Variants in DLG2 observed in about 807,000 individuals in gnomAD.
DLG2 encodes the protein disks large homolog 2.
A neutral mutation model predicts 132.5 loss-of-function variants in DLG2; 45 were observed. The observed-to-expected ratio is 0.34, with a 90% CI of 0.27 to 0.44. The LOEUF is 0.44. Among genes scored for constraint, DLG2 ranks in the 20% least tolerant of loss-of-function variants. The pLI, the probability that DLG2 is intolerant of heterozygous loss-of-function variation, is 1.00. For missense variants in DLG2, 1,045 were observed against 1,196.9 expected (o/e 0.87, Z 1.87); for synonymous variants, 424 against 419.6 (o/e 1.01, Z -0.13).
chr11:84,576,298 C>T (rs551427858), intron 6 of DLG2, among the ~76,000 whole-genome samples: 1 of 152,288 alleles, frequency 6.6e-6, no homozygotes, highest in South Asian at 2.1e-4. Flanking sequence ...ATCTACCTTT[C>T]TACCTATCTG....
At chr11:85,290,873 C>A (rs1016249610) in intron 3 of DLG2, among the ~76,000 whole-genome samples, 1 of 152,076 alleles carries the variant, frequency 6.6e-6, no homozygotes. Flanking sequence ...AATTGTCAAA[C>A]AGCATGTTGA....
chr11:83,461,465 A>AAAAAG (rs1253442784), intron 27 of DLG2: 1 of 152,346 alleles, frequency 6.6e-6, no homozygotes, highest in Non-Finnish European at 1.5e-5. Flanking sequence ...GGAAACATTT[A>AAAAAG]AAAAGAAAAA....
At chr11:83,610,913 T>A (rs2060023563) in intron 19 of DLG2, among the ~76,000 whole-genome samples, 1 of 152,176 alleles carries the variant, frequency 6.6e-6, no homozygotes, top group Non-Finnish European at 1.5e-5. Flanking sequence ...ACCCACATCA[T>A]TTTATCAAAG....
chr11:83,578,073 T>TACACACACACAC (rs554190947), intron 19 of DLG2, among the ~76,000 whole-genome samples: 2,124 of 88,152 alleles, frequency 0.024, 73 homozygotes, highest in African/African-American at 0.09. Flanking sequence ...TATATATATG[T>TACACACACACAC]ATACACACAC....
chr11:83,509,255 T>C (rs2094888266), intron 21 of DLG2, among the ~76,000 whole-genome samples: 1 of 152,200 alleles, frequency 6.6e-6, no homozygotes, highest in Non-Finnish European at 1.5e-5. Context: ...CTTGGACTAG[T>C]TATTTAACTT....
chr11:84,655,999 C>T (rs961685530), intron 6 of DLG2, among the ~76,000 whole-genome samples: 3 of 152,068 alleles, frequency 2.0e-5, no homozygotes, highest in African/African-American at 7.2e-5. Flanking sequence ...TTATTCATGA[C>T]TTAGTAACAG....
At chr11:83,606,448 G>C (rs1373655528) in intron 19 of DLG2, among the ~76,000 whole-genome samples, 1 of 152,168 alleles carries the variant, frequency 6.6e-6, no homozygotes, top group Non-Finnish European at 1.5e-5. Context: ...AGTGAAAGAT[G>C]CATCAGAGGT....
intron 6 of DLG2, among the ~76,000 whole-genome samples, chr11:84,605,654 C>G (rs1436422375): frequency 6.6e-6 from 1 of 150,970 alleles, no homozygotes. Context: ...AAGGAAAAAT[C>G]TGTAATACCA....
At chr11:83,979,773 G>A (rs550440356) in intron 12 of DLG2, among the ~76,000 whole-genome samples, 52 of 152,180 alleles carry the variant, frequency 3.4e-4, no homozygotes, top group Non-Finnish European at 6.6e-4. Flanking sequence ...GTTGCACAAA[G>A]GACTGTGGAA....
At chr11:84,696,176 TAGGGCAATTTG>T (rs2058599004) in intron 6 of DLG2, among the ~76,000 whole-genome samples, 1 of 151,558 alleles carries the variant, frequency 6.6e-6, no homozygotes, top group Non-Finnish European at 1.5e-5. Context: ...CAAGAAAACA[TAGGGCAATTTG>T]TGCTCTGTCA....
chr11:84,481,443 T>G (rs1168476526), intron 7 of DLG2, among the ~76,000 whole-genome samples: 2 of 152,166 alleles, frequency 1.3e-5, no homozygotes, highest in Admixed American at 1.3e-4. Context: ...TTGCTTGGCC[T>G]TATCACCTGT....
intron 7 of DLG2, among the ~76,000 whole-genome samples, chr11:84,436,142 T>C (rs1220524893): frequency 9.9e-5 from 15 of 152,156 alleles, no homozygotes; most frequent in Admixed American, 9.8e-4. Flanking sequence ...ATCTGGGCTA[T>C]ATAGAGTGGA....
At chr11:85,300,708 A>G (rs1347849514) in intron 3 of DLG2, among the ~76,000 whole-genome samples, 3 of 152,176 alleles carry the variant, frequency 2.0e-5, no homozygotes, top group Non-Finnish European at 2.9e-5. Flanking sequence ...TATCAGGCCT[A>G]AAGAATATAG....
chr11:83,561,279 G>A (rs1375864427), intron 19 of DLG2, among the ~76,000 whole-genome samples: 6 of 152,154 alleles, frequency 3.9e-5, no homozygotes, highest in African/African-American at 7.2e-5. Context: ...CTCTGCATCT[G>A]ACACCATATA....
chr11:84,805,846 G>T (rs558461942), intron 6 of DLG2, among the ~76,000 whole-genome samples: 17 of 152,238 alleles, frequency 1.1e-4, no homozygotes, highest in Non-Finnish European at 2.2e-4. Context: ...TTACAGCAGT[G>T]TGAGAATGAA....
intron 11 of DLG2, among the ~76,000 whole-genome samples, chr11:84,017,593 A>C (rs1442703770): frequency 2.0e-5 from 3 of 152,096 alleles, no homozygotes; most frequent in African/African-American, 7.2e-5. Context: ...GCTCTTTTGG[A>C]ATAATATCAA....
At chr11:83,513,160 G>C (rs1471720928) in intron 21 of DLG2, among the ~76,000 whole-genome samples, 3 of 152,194 alleles carry the variant, frequency 2.0e-5, no homozygotes, top group Admixed American at 2.0e-4. Context: ...CAGTGTAAAA[G>C]TGTTCCTATT....
intron 7 of DLG2, among the ~76,000 whole-genome samples, chr11:84,328,583 T>C (rs1274107164): frequency 2.0e-5 from 3 of 152,198 alleles, no homozygotes; most frequent in Non-Finnish European, 4.4e-5. Flanking sequence ...GTTTAAATTT[T>C]GCAAGTTCTT....
intron 8 of DLG2, among the ~76,000 whole-genome samples, chr11:84,220,782 T>A (rs1026274077): frequency 1.1e-4 from 2 of 17,908 alleles, no homozygotes; most frequent in South Asian, 2.6e-3. Flanking sequence ...TTTCTTTTCT[T>A]TTTTTTTTTT....
Sources: gnomAD v4.1 joint callset for allele counts (sites outside exome capture counted in the v4.1 genomes callset) on GRCh38, gnomAD v4.1.1 for gene constraint, MANE v1.5 for transcripts, NCBI Gene and HGNC (gene_info 2026-07-23, HGNC 2026-07-21) for gene names.